Variants in ALG13 observed in about 807,000 individuals in gnomAD.
ALG13 encodes ALG13 UDP-N-acetylglucosaminyltransferase subunit, also known as UDP-N-acetylglucosamine transferase subunit ALG13.
A neutral mutation model predicts 87.8 loss-of-function variants in ALG13; 11 were observed. The ratio of observed to expected loss-of-function variants is 0.13; its 90% confidence interval spans 0.08 to 0.21. The LOEUF is 0.21. Ranked by LOEUF, ALG13 falls within the 10% of genes least tolerant of loss-of-function variation. The pLI is 1.00. For synonymous variants in ALG13, 320 were observed against 306.3 expected, an observed-to-expected ratio of 1.04 and a Z score of -0.47; for missense variants, 756 against 866.1, an observed-to-expected ratio of 0.87 and a Z score of 1.60.
chrX:111,756,486 A>G (rs1307733273), intron 25 of ALG13, among the ~76,000 whole-genome samples: 2 of 110,895 alleles, frequency 1.8e-5, no homozygotes, highest in African/African-American at 3.3e-5. Flanking sequence ...TTTTTTCACC[A>G]CTCCCCTGAG....
intron 8 of ALG13, among the ~76,000 whole-genome samples, chrX:111,713,529 T>C (rs188503148): frequency 9.0e-6 from 1 of 111,660 alleles, no homozygotes; most frequent in African/African-American, 3.2e-5. Context: ...CAAACCCTAA[T>C]TGGCTTCTCA....
In ALG13 at chrX:111,744,758, C is replaced by CACG; in HGVS notation, c.2788_2789insGAC (p.Pro929_Pro930insArg). On this transcript the variant is annotated inframe_insertion, in exon 24 of 27. Coordinates refer to ENST00000394780, the MANE Select transcript of ALG13 (RefSeq NM_001099922.3). ...CCACCACCACCACCACCACCACCACCACCACCACCACCTCCTCCTCCTCCT... is the reference window on the plus strand; with the variant it reads ...CCACCACCACCACCACCACCACCACCACGACCACCACCACCTCCTCCTCCTCCT... The CACG allele has an allele frequency of 9.0e-7, 1 of 1,106,008 alleles. No homozygotes were observed. The highest frequency in any genetic ancestry group is 1.2e-6 in the Non-Finnish European group (1 of 841,404). The allele number at this position is 1,106,008 out of a possible 1,213,427, so 91.1% of individuals were successfully genotyped here.
chrX:111,753,876 C>T (rs765287664), intron 25 of ALG13, among the ~76,000 whole-genome samples: 22 of 111,720 alleles, frequency 2.0e-4, no homozygotes, highest in Non-Finnish European at 3.2e-4. Context: ...TCCTTCTGAA[C>T]GATTCCAATC....
intron 23 of ALG13, 109 bp downstream of exon 23, chrX:111,736,988 A>G: frequency 1.5e-6 from 1 of 686,076 alleles, no homozygotes; most frequent in South Asian, 4.4e-5. Flanking sequence ...CCAGAATTAA[A>G]TTTATTTAAC....
intron 23 of ALG13, among the ~76,000 whole-genome samples, chrX:111,743,486 C>T (rs891692822): frequency 5.4e-5 from 6 of 111,562 alleles, no homozygotes; most frequent in South Asian, 3.7e-4. Flanking sequence ...TTGACAAATG[C>T]GTAGAGTTGT....
chrX:111,697,295 CA>C (rs768119323), intron 3 of ALG13, among the ~76,000 whole-genome samples: 41 of 111,487 alleles, frequency 3.7e-4, no homozygotes, highest in Admixed American at 6.7e-4. Context: ...CTGTGAATCT[CA>C]AGGATAGGAT....
chrX:111,733,172 G>A (rs1256651069), intron 21 of ALG13, among the ~76,000 whole-genome samples: 1 of 111,061 alleles, frequency 9.0e-6, no homozygotes, highest in African/African-American at 3.3e-5. Flanking sequence ...TGGAGAACAG[G>A]TGGTGGTTGG....
chrX:111,750,206 T>C (rs1363053838), intron 24 of ALG13, among the ~76,000 whole-genome samples: 1 of 111,572 alleles, frequency 9.0e-6, no homozygotes, highest in African/African-American at 3.3e-5. Flanking sequence ...CCCGAGAATA[T>C]ATCATGTATT....
intron 22 of ALG13, 55 bp downstream of exon 22, chrX:111,735,177 A>AAAGAGGAAATTCATT: frequency 1.2e-6 from 1 of 802,750 alleles, no homozygotes; most frequent in Non-Finnish European, 1.8e-6. Flanking sequence ...AGAAAAATGA[A>AAAGAGGAAATTCATT]TTTCCTCTTT....
At chrX:111,681,868 C>G in intron 1 of ALG13, 6 of 903,320 alleles carry the variant, frequency 6.6e-6, no homozygotes, top group Non-Finnish European at 8.2e-6. Context: ...CCCGAGTTTG[C>G]GACTCCTTTT....
chrX:111,681,670 GC>G (rs1339352850), intron 1 of ALG13: 47 of 885,552 alleles, frequency 5.3e-5, no homozygotes, highest in Non-Finnish European at 6.5e-5. Flanking sequence ...TTTTCCTCAG[GC>G]CCCCCTGTGG....
At chrX:111,682,698 G>C (rs1359720821) in intron 2 of ALG13, among the ~76,000 whole-genome samples, 2 of 111,900 alleles carry the variant, frequency 1.8e-5, no homozygotes, top group African/African-American at 6.5e-5. Flanking sequence ...ATTTACCCGG[G>C]GAAGTGTAAT....
chrX:111,711,908 A>G (rs1355058446), intron 6 of ALG13, among the ~76,000 whole-genome samples, 183 bp downstream of exon 6: 3 of 112,200 alleles, frequency 2.7e-5, no homozygotes, highest in Non-Finnish European at 5.6e-5. Context: ...TTTGTGTTGA[A>G]TATTGATAAT....
rs771610606 is a variant in ALG13 at position 111,744,839 on chromosome X, AACC to A, written c.2879_2881del (p.Pro960del). 1 of 1,188,639 alleles carries A rather than the reference AACC, an allele frequency of 8.4e-7. No homozygotes were observed. The highest frequency in any genetic ancestry group is 1.1e-6 in the Non-Finnish European group (1 of 885,840). ...GATGTGGGAGAGACTTCAAACTTACAACCACCACCACCACTACCACCTCCACCT... is the reference window on the plus strand; with the variant it reads ...GATGTGGGAGAGACTTCAAACTTACAACCACCACCACTACCACCTCCACCT... On this transcript the variant is annotated inframe_deletion, in exon 24 of 27. Coordinates refer to ENST00000394780, the MANE Select transcript of ALG13 (RefSeq NM_001099922.3).
At chrX:111,709,392 G>T (rs1248490899) in intron 5 of ALG13, among the ~76,000 whole-genome samples, 1 of 112,140 alleles carries the variant, frequency 8.9e-6, no homozygotes, top group Non-Finnish European at 1.9e-5. Context: ...GAAAGGTTTG[G>T]CTCTGTTAAT....
Position 111,730,389 on chromosome X carries a change from C to T in ALG13, c.2369-6C>T, listed in dbSNP as rs1232185553. ...ACATTTCTTCTGTCTTGTCTTTTTTCCCCAGGGCGATATCATGAAGAATAT... is the reference window on the plus strand; with the variant it reads ...ACATTTCTTCTGTCTTGTCTTTTTTTCCCAGGGCGATATCATGAAGAATAT... On this transcript the variant is annotated splice_region_variant and splice_polypyrimidine_tract_variant and intron_variant, in intron 19 of 26. Transcript: ENST00000394780. 7.4e-6 allele frequency: 9 copies of T among 1,208,105 alleles called. No homozygotes were observed. The highest frequency in any genetic ancestry group is 1.0e-5 in the Non-Finnish European group (9 of 892,980).
At chrX:111,696,186 T>G (rs906967022) in intron 3 of ALG13, among the ~76,000 whole-genome samples, 3 of 111,328 alleles carry the variant, frequency 2.7e-5, no homozygotes, top group African/African-American at 9.8e-5. Flanking sequence ...ATCCCCACTT[T>G]TTGCCAAGAT....
At chrX:111,749,078 C>G (rs916531531) in intron 24 of ALG13, among the ~76,000 whole-genome samples, 1 of 111,221 alleles carries the variant, frequency 9.0e-6, no homozygotes, top group African/African-American at 3.3e-5. Flanking sequence ...GAGCGAAACT[C>G]TGACTTAATT....
chrX:111,731,617 A>G (rs1394531638), intron 21 of ALG13, among the ~76,000 whole-genome samples: 1 of 111,959 alleles, frequency 8.9e-6, no homozygotes, highest in African/African-American at 3.2e-5. Flanking sequence ...TGGAGGCCCA[A>G]GGGTGGTTTT....
Sources: allele counts gnomAD v4.1 joint callset (sites outside exome capture counted in the v4.1 genomes callset), GRCh38; gene constraint gnomAD v4.1.1; transcripts MANE v1.5; gene names NCBI Gene and HGNC (gene_info 2026-07-23, HGNC 2026-07-21).